RPS6KC1: variants seen among roughly 807,000 people sequenced by gnomAD.
The protein encoded by RPS6KC1 is inactive ribosomal protein S6 kinase delta-1.
In RPS6KC1, 54 loss-of-function variants were observed where a neutral mutation model predicts 103.8. The observed-to-expected ratio is 0.52, with a 90% CI of 0.42 to 0.65. The LOEUF (loss-of-function observed/expected upper bound fraction) is 0.65. RPS6KC1 is among the 30% of genes least tolerant of loss of function. The pLI, the probability that RPS6KC1 is intolerant of heterozygous loss-of-function variation, is 0.00. For missense variants in RPS6KC1, 1,151 were observed against 1,253.8 expected, an observed-to-expected ratio of 0.92 and a Z score of 1.24; for synonymous variants, 439 against 438.7, an observed-to-expected ratio of 1.00 and a Z score of -0.01.
chr1:213,797,429 C>T, the RPS6KC1 span, among the ~76,000 whole-genome samples: 37 of 152,260 alleles, frequency 2.4e-4, no homozygotes, highest in African/African-American at 7.7e-4. Flanking sequence ...TGTGTTGCAC[C>T]AGACATCTCA....
At chr1:213,117,534 CT>C (rs1374357354) in intron 5 of RPS6KC1, 124 bp downstream of exon 5, 27 of 525,044 alleles carry the variant, frequency 5.1e-5, no homozygotes, top group South Asian at 6.1e-5. Context: ...TTCTAAGATG[CT>C]TTTTTTCTTT....
chr1:213,083,332 C>T (rs1372758324), intron 3 of RPS6KC1, among the ~76,000 whole-genome samples: 2 of 152,184 alleles, frequency 1.3e-5, no homozygotes, highest in Admixed American at 1.3e-4. Flanking sequence ...GCCTGTGAGC[C>T]TTAATCAGAA....
intron 8 of RPS6KC1, among the ~76,000 whole-genome samples, chr1:213,197,177 T>C (rs2092982680): frequency 6.6e-6 from 1 of 152,210 alleles, no homozygotes; most frequent in Non-Finnish European, 1.5e-5. Context: ...CCTGTTTTGG[T>C]AACTATAGCC....
chr1:213,773,749 AAG>A, the RPS6KC1 span, among the ~76,000 whole-genome samples: 1 of 152,108 alleles, frequency 6.6e-6, no homozygotes, highest in Non-Finnish European at 1.5e-5. Context: ...CTTTGTGATT[AAG>A]CCTTCCATTG....
chr1:213,761,550 A>G, the RPS6KC1 span, among the ~76,000 whole-genome samples: 2 of 152,320 alleles, frequency 1.3e-5, no homozygotes, highest in South Asian at 4.1e-4. Context: ...TATCTGTGCA[A>G]AGGCTTACAG....
chr1:213,137,666 G>T (rs915477210), intron 6 of RPS6KC1, among the ~76,000 whole-genome samples: 3 of 151,058 alleles, frequency 2.0e-5, no homozygotes, highest in Non-Finnish European at 4.4e-5. Context: ...ATGCCAACCT[G>T]TGTTTGGCAT....
chr1:213,744,331 G>A, the RPS6KC1 span, among the ~76,000 whole-genome samples: 1 of 152,078 alleles, frequency 6.6e-6, no homozygotes, highest in South Asian at 2.1e-4. Context: ...ACCTCTATCA[G>A]CCTCTAGCCA....
At chr1:213,424,209 G>T in the RPS6KC1 span, among the ~76,000 whole-genome samples, 2 of 152,216 alleles carry the variant, frequency 1.3e-5, no homozygotes, top group Non-Finnish European at 2.9e-5. Flanking sequence ...GCTGAGAGCT[G>T]CTCCTAAGAA....
chr1:213,187,908 T>C (rs1324497945), intron 8 of RPS6KC1, among the ~76,000 whole-genome samples: 1 of 152,186 alleles, frequency 6.6e-6, no homozygotes, highest in Non-Finnish European at 1.5e-5. Context: ...TTTTTAGCTC[T>C]AGGAGGTACC....
intron 8 of RPS6KC1, among the ~76,000 whole-genome samples, chr1:213,213,006 C>G (rs2148684946): frequency 6.6e-6 from 1 of 152,230 alleles, no homozygotes; most frequent in Admixed American, 6.5e-5. Flanking sequence ...TTCTCTCTGG[C>G]AGTGGCTTGT....
At chr1:213,850,201 T>A in the RPS6KC1 span, among the ~76,000 whole-genome samples, 2 of 152,206 alleles carry the variant, frequency 1.3e-5, no homozygotes, top group Admixed American at 1.3e-4. Context: ...GCTTCTGCCA[T>A]TTTACTTTTA....
the RPS6KC1 span, among the ~76,000 whole-genome samples, chr1:213,551,161 G>A: frequency 6.6e-6 from 1 of 152,144 alleles, no homozygotes; most frequent in African/African-American, 2.4e-5. Context: ...TCCCCAGCCC[G>A]ACATCCAGAC....
chr1:213,252,750 C>A (rs889627298), intron 12 of RPS6KC1, among the ~76,000 whole-genome samples: 1 of 152,070 alleles, frequency 6.6e-6, no homozygotes, highest in Non-Finnish European at 1.5e-5. Context: ...CTATATTTAT[C>A]TTTCACCTTC....
the RPS6KC1 span, among the ~76,000 whole-genome samples, chr1:213,548,994 C>A: frequency 5.9e-5 from 9 of 152,106 alleles, 1 homozygote; most frequent in South Asian, 4.2e-4. Flanking sequence ...ACTGTGAGAT[C>A]CCCTTAGCCT....
the RPS6KC1 span, among the ~76,000 whole-genome samples, chr1:213,395,344 G>A: frequency 6.6e-6 from 1 of 152,180 alleles, no homozygotes; most frequent in Non-Finnish European, 1.5e-5. Context: ...AGAGTGTTGG[G>A]TGAAGGGTCA....
the RPS6KC1 span, among the ~76,000 whole-genome samples, chr1:213,631,191 C>T: frequency 6.6e-6 from 1 of 152,112 alleles, no homozygotes; most frequent in African/African-American, 2.4e-5. Context: ...TGCTTTGGCT[C>T]ATGCTCTGTG....
At chr1:213,649,796 G>A in the RPS6KC1 span, among the ~76,000 whole-genome samples, 2 of 152,158 alleles carry the variant, frequency 1.3e-5, no homozygotes, top group South Asian at 4.2e-4. Flanking sequence ...AGTGACTTGA[G>A]TTCAGTGAGG....
intron 12 of RPS6KC1, among the ~76,000 whole-genome samples, chr1:213,247,475 A>C (rs1241327171): frequency 6.6e-6 from 1 of 152,108 alleles, no homozygotes; most frequent in Non-Finnish European, 1.5e-5. Context: ...GTTTCTTTTT[A>C]GGCATGGAGC....
At chr1:213,644,303 T>A in the RPS6KC1 span, among the ~76,000 whole-genome samples, 3 of 152,090 alleles carry the variant, frequency 2.0e-5, no homozygotes, top group African/African-American at 4.8e-5. Context: ...TACATGGTCT[T>A]CTCCATTATC....
Sources: gnomAD v4.1 joint callset for allele counts (sites outside exome capture counted in the v4.1 genomes callset) on GRCh38, gnomAD v4.1.1 for gene constraint, MANE v1.5 for transcripts, NCBI Gene and HGNC (gene_info 2026-07-23, HGNC 2026-07-21) for gene names.